Variants in XPO6 observed in about 807,000 individuals in gnomAD.
XPO6 encodes exportin-6.
Under a neutral mutation model 130.0 loss-of-function variants are expected in XPO6, and 3 were observed. The observed-to-expected ratio is 0.02, with a 90% CI of 0.01 to 0.06. The LOEUF is 0.06. Among genes scored for constraint, XPO6 ranks in the 10% least tolerant of loss-of-function variants. The probability of loss-of-function intolerance (pLI) is 1.00; values close to 1 mark genes in which losing one functional copy is unlikely to be tolerated. For missense variants in XPO6, 970 were observed against 1,393.0 expected, an observed-to-expected ratio of 0.70 and a Z score of 4.83; for synonymous variants, 524 against 548.9, an observed-to-expected ratio of 0.95 and a Z score of 0.63.
chr16:28,121,630 T>G, intron 14 of XPO6, 40 bp downstream of exon 14: 3 of 1,416,278 alleles, frequency 2.1e-6, no homozygotes, highest in Non-Finnish European at 3.0e-6. Context: ...GGGGGCAAGG[T>G]CTTTCCTAAA....
intron 1 of XPO6, among the ~76,000 whole-genome samples, chr16:28,203,150 G>A (rs146462654): frequency 6.6e-6 from 1 of 151,906 alleles, no homozygotes; most frequent in Non-Finnish European, 1.5e-5. Context: ...TGATGCATAC[G>A]TATAGTTCCA....
chr16:28,100,050 C>T (rs991451921), intron 23 of XPO6, among the ~76,000 whole-genome samples: 4 of 152,070 alleles, frequency 2.6e-5, no homozygotes, highest in African/African-American at 9.7e-5. Context: ...TGCAGTGGCA[C>T]AACCTCCGCT....
intron 8 of XPO6, among the ~76,000 whole-genome samples, chr16:28,151,520 G>A (rs752800925): frequency 3.9e-5 from 6 of 152,144 alleles, no homozygotes; most frequent in Non-Finnish European, 8.8e-5. Context: ...ACTAGTCTGT[G>A]GTATTAAGGT....
Position 28,101,126 on chromosome 16 carries a change from CG to C in XPO6, c.3276+331del. 1 of 407,096 alleles carries C rather than the reference CG, an allele frequency of 2.5e-6. No individual in the cohort carries two copies. The highest frequency in any genetic ancestry group is 4.7e-6 in the Non-Finnish European group (1 of 214,052). 25.2% of individuals were successfully genotyped at this position (407,096 alleles called of 1,614,324 possible). ...GGGCACACTCCAATGCTGGCCCCAC[CG>C]GGGCTCATCACCCAGGAGGGAGAAC... is the stretch of plus-strand genomic sequence containing the variant. On this transcript the variant is annotated intron_variant, in intron 23 of 23. Transcript: ENST00000304658. The surrounding 1 kb of genome is among the most constrained non-coding windows in gnomAD (Gnocchi z 5.4).
At chr16:28,148,708 C>A (rs1386223687) in intron 8 of XPO6, among the ~76,000 whole-genome samples, 2 of 151,998 alleles carry the variant, frequency 1.3e-5, no homozygotes, top group Non-Finnish European at 2.9e-5. Flanking sequence ...CGTATCTTGC[C>A]CAAGGTAACA....
intron 8 of XPO6, among the ~76,000 whole-genome samples, chr16:28,148,963 A>G (rs1180787116): frequency 6.6e-6 from 1 of 151,358 alleles, no homozygotes; most frequent in Non-Finnish European, 1.5e-5. Context: ...AACTGCTTGA[A>G]CCCAGGAGGC....
chr16:28,149,266 G>T (rs565775069), intron 8 of XPO6, among the ~76,000 whole-genome samples: 1 of 152,230 alleles, frequency 6.6e-6, no homozygotes, highest in African/African-American at 2.4e-5. Flanking sequence ...GGCTCAGCAA[G>T]CAAAGCAAGG....
Position 28,110,731 on chromosome 16 carries a change from T to C in XPO6, c.2341+1086A>G, listed in dbSNP as rs114450976. On this transcript the variant is annotated intron_variant, in intron 17 of 23. Coordinates refer to ENST00000304658, the MANE Select transcript of XPO6 (RefSeq NM_015171.4). The stretch of plus-strand genomic sequence containing the variant: ...TCATGCTAATCATCAATCAAGATCC[T>C]AACAGTACCGAACTCATAAGGCTAA... Among the ~76,000 whole-genome samples, 687 of 152,332 alleles carry C rather than the reference T, an allele frequency of 4.5e-3. 7 individuals are homozygous for C. The highest frequency in any genetic ancestry group is 0.016 in the African/African-American group (667 of 41,574).
chr16:28,156,292 G>A lies in XPO6; in HGVS notation c.879C>T (p.Asn293=), dbSNP rs758267634. 9 of 1,614,018 alleles carry A rather than the reference G, an allele frequency of 5.6e-6. No homozygotes were observed. The highest frequency in any genetic ancestry group is 1.7e-5 in the Admixed American group (1 of 59,988). The change falls in exon 7 of 24, where the codon AAC becomes AAT. Residue 293 remains asparagine, a synonymous_variant. Transcript: ENST00000304658. ...DIRARKMASV[N]GSSQNCVSGQ... is the part of the protein sequence containing the mutation. The stretch of plus-strand genomic sequence containing the variant: ...CCGAGACACAGTTCTGGCTGCTGCC[G>A]TTAACTGACGCCATCTTTCTGGCCC...
intron 8 of XPO6, among the ~76,000 whole-genome samples, chr16:28,150,256 G>A (rs2043062138): frequency 6.6e-6 from 1 of 152,162 alleles, no homozygotes; most frequent in Non-Finnish European, 1.5e-5. Context: ...GCAGAAAGGA[G>A]CTCATCTGAC....
In XPO6 at chr16:28,201,567, G is replaced by A. The variant is rs1260408419; in HGVS notation, c.3+9799C>T. Among the ~76,000 whole-genome samples the A allele has an allele frequency of 2.0e-5, 3 of 152,198 alleles. No homozygotes were observed. The South Asian group carries it at 6.2e-4, about 32-fold the overall frequency. ...ACTGTCTGACACTCACTGTAAGAAT[G>A]TAGTCTTGGCCGGGCGTGGTGGCTC... On this transcript the variant is annotated intron_variant, in intron 1 of 23. Coordinates refer to ENST00000304658, the MANE Select transcript of XPO6 (RefSeq NM_015171.4).
chr16:28,177,101 G>T, intron 3 of XPO6, 119 bp downstream of exon 3: 1 of 518,828 alleles, frequency 1.9e-6, no homozygotes, highest in Non-Finnish European at 3.3e-6. Flanking sequence ...TATGTGGGAC[G>T]ACATCCCAGA....
rs140063630 is a variant in XPO6, at chr16:28,198,245, T to G, written c.3+13121A>C. ...AAAAAAGTGCATTTACAGTGTAATC[T>G]CAACCATATTGAAAAAGTAAATAGG... On this transcript the variant is annotated intron_variant, in intron 1 of 23. Transcript: ENST00000304658. Among the ~76,000 whole-genome samples, 7 of 151,952 alleles carry G rather than the reference T, an allele frequency of 4.6e-5. No individual in the cohort carries two copies. In the East Asian group the frequency reaches 1.3e-3, roughly 29 times the overall value.
chr16:28,170,355 C>A (rs8060774), intron 4 of XPO6, among the ~76,000 whole-genome samples: 27 of 141,898 alleles, frequency 1.9e-4, no homozygotes, highest in African/African-American at 2.6e-4. Context: ...AAAAAAGAAA[C>A]ATCACTTAGA....
intron 1 of XPO6, among the ~76,000 whole-genome samples, chr16:28,193,020 G>A (rs570872209): frequency 2.0e-4 from 30 of 152,088 alleles, no homozygotes; most frequent in Non-Finnish European, 3.7e-4. Context: ...ATCTGTATTG[G>A]CTGATACAGT....
rs576463200 is a variant in XPO6, at chr16:28,108,713, C to T, written c.2342-1036G>A. On this transcript the variant is annotated intron_variant, in intron 17 of 23. Coordinates refer to ENST00000304658, the MANE Select transcript of XPO6 (RefSeq NM_015171.4). The stretch of plus-strand genomic sequence containing the variant: ...GGGCTGAGAGCTGCCTCCCACTTGG[C>T]AGCAGTCTCTGGGTCCCCCGAACCC... Among the ~76,000 whole-genome samples, 188 of 152,342 alleles carry T rather than the reference C, an allele frequency of 1.2e-3. 9 individuals are homozygous for T. The South Asian group carries it at 0.038, about 31-fold the overall frequency.
In XPO6 at chr16:28,211,502, G is replaced by A. The variant is rs1311459461; in HGVS notation, c.-134C>T. ...ATGCAAAGACAACCCCTTCCCCACCGGGCCCCGAGGGGACCCTCTAAAAAG... is the reference window on the plus strand; with the variant it reads ...ATGCAAAGACAACCCCTTCCCCACCAGGCCCCGAGGGGACCCTCTAAAAAG... On this transcript the variant is annotated 5_prime_UTR_variant, in exon 1 of 24. Transcript: ENST00000304658. 3 of 1,054,912 alleles carry A rather than the reference G, an allele frequency of 2.8e-6. No individual in the cohort carries two copies. The highest frequency in any genetic ancestry group is 1.6e-5 in the African/African-American group (1 of 60,842). The allele number at this position is 1,054,912 out of a possible 1,614,324, so 65.3% of individuals were successfully genotyped here. A position where few individuals can be genotyped will look rare whatever the true frequency, so the allele number is the denominator to read the frequency against.
chr16:28,130,336 A>G (rs1427794316), intron 12 of XPO6, among the ~76,000 whole-genome samples: 3 of 152,220 alleles, frequency 2.0e-5, no homozygotes, highest in Non-Finnish European at 2.9e-5. Flanking sequence ...CTGGGCTAGA[A>G]AGTAAATGCA....
intron 20 of XPO6, among the ~76,000 whole-genome samples, 200 bp from the exon 21 acceptor site, chr16:28,104,907 C>T (rs772638828): frequency 5.9e-5 from 9 of 152,250 alleles, no homozygotes; most frequent in Non-Finnish European, 1.3e-4. Context: ...CATCTAGCCC[C>T]TGGAGTTGGC....
Sources: gnomAD v4.1 joint callset for allele counts (sites outside exome capture counted in the v4.1 genomes callset) on GRCh38, gnomAD v4.1.1 for gene constraint, Gnocchi (gnomAD v3.1) non-coding constraint, MANE v1.5 for transcripts, NCBI Gene and HGNC (gene_info 2026-07-23, HGNC 2026-07-21) for gene names.